Variants in LRP1B observed in about 807,000 individuals in gnomAD.
LRP1B encodes the protein low-density lipoprotein receptor-related protein 1B.
A neutral mutation model predicts 556.6 loss-of-function variants in LRP1B; 217 were observed. The ratio of observed to expected loss-of-function variants is 0.39; its 90% CI spans 0.35 to 0.44. The LOEUF (loss-of-function observed/expected upper bound fraction) is 0.44. Among genes scored for constraint, LRP1B ranks in the 20% least tolerant of loss-of-function variants. The probability of loss-of-function intolerance (pLI) is 1.00; values close to 1 mark genes in which losing one functional copy is unlikely to be tolerated. For synonymous variants in LRP1B, 2,047 were observed against 1,865.8 expected, an observed-to-expected ratio of 1.10 and a Z score of -2.50; for missense variants, 5,053 against 5,620.8, an observed-to-expected ratio of 0.90 and a Z score of 3.23.
chr2:140,953,598 G>A (rs1695784988), intron 18 of LRP1B, among the ~76,000 whole-genome samples: 1 of 152,080 alleles, frequency 6.6e-6, no homozygotes, highest in East Asian at 1.9e-4. Context: ...GGCTGAACAG[G>A]CTTGACTTTG....
chr2:141,404,740 T>A (rs971385751), intron 3 of LRP1B, among the ~76,000 whole-genome samples: 3 of 152,188 alleles, frequency 2.0e-5, no homozygotes, highest in Non-Finnish European at 4.4e-5. Context: ...GCAAGCTTTT[T>A]AGGATGGGAT....
chr2:142,086,636 C>CAACA (rs1553515516), intron 1 of LRP1B, among the ~76,000 whole-genome samples: 4 of 48,114 alleles, frequency 8.3e-5, no homozygotes, highest in African/African-American at 2.1e-4. Context: ...AACAAACAAA[C>CAACA]AAACAAAAAA....
At chr2:141,110,970 C>T (rs1700736308) in intron 7 of LRP1B, among the ~76,000 whole-genome samples, 1 of 152,068 alleles carries the variant, frequency 6.6e-6, no homozygotes, top group African/African-American at 2.4e-5. Context: ...AAATAGCCAC[C>T]TGGGGAAAAT....
At chr2:140,731,482 A>G (rs1687774253) in intron 35 of LRP1B, among the ~76,000 whole-genome samples, 1 of 152,194 alleles carries the variant, frequency 6.6e-6, no homozygotes, top group Non-Finnish European at 1.5e-5. Context: ...TAATTTAATA[A>G]GGTAGTAATA....
At chr2:141,320,085 A>C (rs968696498) in intron 3 of LRP1B, among the ~76,000 whole-genome samples, 1 of 152,098 alleles carries the variant, frequency 6.6e-6, no homozygotes, top group Non-Finnish European at 1.5e-5. Flanking sequence ...CAATGTTTCT[A>C]GACTATGGAA....
intron 1 of LRP1B, among the ~76,000 whole-genome samples, chr2:142,075,150 C>T (rs910564475): frequency 2.0e-5 from 3 of 151,990 alleles, no homozygotes; most frequent in African/African-American, 4.8e-5. Flanking sequence ...ATAGTCAGTT[C>T]TGCTATAGAT....
chr2:140,789,048 A>G (rs1157713166), intron 32 of LRP1B, among the ~76,000 whole-genome samples: 1 of 152,148 alleles, frequency 6.6e-6, no homozygotes, highest in African/African-American at 2.4e-5. Flanking sequence ...AATAATGTCT[A>G]TTGTTTAAGA....
chr2:141,254,700 T>C, intron 3 of LRP1B, 59 bp from the exon 4 acceptor site: 1 of 1,350,420 alleles, frequency 7.4e-7, no homozygotes, highest in Non-Finnish European at 1.0e-6. Context: ...ATAGTTTGTA[T>C]TTCTCAGTGT....
At chr2:141,253,058 A>T (rs958953534) in intron 4 of LRP1B, among the ~76,000 whole-genome samples, 1 of 152,202 alleles carries the variant, frequency 6.6e-6, no homozygotes, top group African/African-American at 2.4e-5. Flanking sequence ...AAGGAACTGC[A>T]GAGCTTGATT....
At chr2:141,761,526 C>G (rs1694546779) in intron 2 of LRP1B, among the ~76,000 whole-genome samples, 1 of 151,918 alleles carries the variant, frequency 6.6e-6, no homozygotes, top group Admixed American at 6.6e-5. Flanking sequence ...AAAATAATGA[C>G]AAAATAATGA....
chr2:141,342,583 T>C (rs752973599), intron 3 of LRP1B, among the ~76,000 whole-genome samples: 4 of 151,706 alleles, frequency 2.6e-5, no homozygotes, highest in Non-Finnish European at 4.4e-5. Context: ...CATACACAAG[T>C]ATCGATAGCC....
intron 24 of LRP1B, among the ~76,000 whole-genome samples, chr2:140,885,825 G>A (rs1256612365): frequency 6.9e-6 from 1 of 145,434 alleles, no homozygotes; most frequent in Admixed American, 6.9e-5. Context: ...ACAAGTTATT[G>A]TAACTCCTAA....
intron 3 of LRP1B, among the ~76,000 whole-genome samples, chr2:141,276,006 C>A (rs1685271287): frequency 6.6e-6 from 1 of 152,104 alleles, no homozygotes; most frequent in South Asian, 2.1e-4. Context: ...TAAGTTTTCA[C>A]ATATAATCAG....
chr2:141,001,193 T>C (rs1697411676), intron 15 of LRP1B, among the ~76,000 whole-genome samples: 1 of 152,106 alleles, frequency 6.6e-6, no homozygotes, highest in African/African-American at 2.4e-5. Context: ...CTCTTGATCA[T>C]TGTGTTGACA....
chr2:140,951,976 G>A, intron 18 of LRP1B, 36 bp from the exon 19 acceptor site: 2 of 1,384,012 alleles, frequency 1.4e-6, no homozygotes, highest in East Asian at 2.3e-5. Flanking sequence ...AAGGTAACAT[G>A]TTATTGACTG....
intron 2 of LRP1B, among the ~76,000 whole-genome samples, chr2:141,774,549 A>G (rs772304159): frequency 2.0e-5 from 3 of 152,212 alleles, no homozygotes; most frequent in African/African-American, 7.2e-5. Flanking sequence ...TTACATTACA[A>G]CATGAGATTT....
intron 41 of LRP1B, among the ~76,000 whole-genome samples, chr2:140,673,632 A>G (rs2890541): frequency 0.05 from 7,591 of 152,228 alleles, 449 homozygotes; most frequent in East Asian, 0.18. Context: ...CCAATTTAAA[A>G]GCCATTTACA....
intron 3 of LRP1B, among the ~76,000 whole-genome samples, chr2:141,426,895 C>G (rs1034085519): frequency 6.6e-6 from 1 of 152,060 alleles, no homozygotes; most frequent in Non-Finnish European, 1.5e-5. Flanking sequence ...TTTTATTATA[C>G]TTTAAGTTCT....
At chr2:140,835,686 CG>C (rs1471669256) in intron 31 of LRP1B, among the ~76,000 whole-genome samples, 1 of 151,818 alleles carries the variant, frequency 6.6e-6, no homozygotes, top group Non-Finnish European at 1.5e-5. Context: ...TACAGGCGCT[CG>C]CCACCACGTC....
Sources: gnomAD v4.1 joint callset for allele counts (sites outside exome capture counted in the v4.1 genomes callset) on GRCh38, gnomAD v4.1.1 for gene constraint, MANE v1.5 for transcripts, NCBI Gene and HGNC (gene_info 2026-07-23, HGNC 2026-07-21) for gene names.